UQCRH: variants seen among roughly 807,000 people sequenced by gnomAD.
UQCRH encodes cytochrome b-c1 complex subunit 6, mitochondrial.
A neutral mutation model predicts 16.3 loss-of-function variants in UQCRH; 14 were observed. The ratio of observed to expected loss-of-function variants is 0.86; its 90% CI spans 0.57 to 1.34. The LOEUF (loss-of-function observed/expected upper bound fraction) is 1.34, where lower values mean the gene tolerates loss of function less well. Ranked by LOEUF, UQCRH falls within the 40% of genes most tolerant of loss-of-function variation. UQCRH has a pLI of 0.00. For synonymous variants in UQCRH, 41 were observed against 41.9 expected, an observed-to-expected ratio of 0.98 and a Z score of 0.08; for missense variants, 89 against 111.9, an observed-to-expected ratio of 0.80 and a Z score of 0.92.
chr1:46,309,335 G>A, intron 2 of UQCRH: 1 of 544,660 alleles, frequency 1.8e-6, no homozygotes, highest in East Asian at 3.3e-5. Context: ...TTCAGTTGTG[G>A]TACCAGGGAG....
At chr1:46,306,155 G>A (rs1661369501) in intron 1 of UQCRH, among the ~76,000 whole-genome samples, 1 of 152,006 alleles carries the variant, frequency 6.6e-6, no homozygotes, top group Non-Finnish European at 1.5e-5. Flanking sequence ...TTTTCTCAGT[G>A]ACTGGAAATT....
chr1:46,313,490 G>A (rs570893219), intron 3 of UQCRH, among the ~76,000 whole-genome samples: 4 of 152,242 alleles, frequency 2.6e-5, no homozygotes, highest in East Asian at 3.9e-4. Context: ...TTAGCCGGGC[G>A]TGGTGGCGGG....
chr1:46,314,902 T>C (rs923401608), intron 3 of UQCRH, among the ~76,000 whole-genome samples: 5 of 152,178 alleles, frequency 3.3e-5, no homozygotes, highest in African/African-American at 7.2e-5. Context: ...AGTTTTGATT[T>C]AGTAAGATGA....
At chr1:46,311,218 A>G (rs962993257) in intron 3 of UQCRH, among the ~76,000 whole-genome samples, 8 of 151,898 alleles carry the variant, frequency 5.3e-5, no homozygotes, top group Non-Finnish European at 1.0e-4. Context: ...ACCACTAAAC[A>G]GTGGGGAAGC....
intron 1 of UQCRH, among the ~76,000 whole-genome samples, chr1:46,305,880 C>A (rs1379165084): frequency 2.0e-5 from 3 of 151,694 alleles, no homozygotes; most frequent in Non-Finnish European, 4.4e-5. Flanking sequence ...ATCCGGCTCA[C>A]TGCAACCTCC....
intron 1 of UQCRH, among the ~76,000 whole-genome samples, chr1:46,308,277 C>T (rs1163094458): frequency 6.6e-6 from 1 of 152,040 alleles, no homozygotes; most frequent in Non-Finnish European, 1.5e-5. Flanking sequence ...GGATATGCCA[C>T]ACAAAAAAAT....
At chr1:46,314,957 A>C (rs1348582952) in intron 3 of UQCRH, among the ~76,000 whole-genome samples, 2 of 152,220 alleles carry the variant, frequency 1.3e-5, no homozygotes, top group Admixed American at 1.3e-4. Context: ...AGGGGACTGT[A>C]TGGTTGTAGA....
intron 3 of UQCRH, among the ~76,000 whole-genome samples, chr1:46,315,822 C>A (rs777352506): frequency 6.6e-6 from 1 of 152,162 alleles, no homozygotes; most frequent in Non-Finnish European, 1.5e-5. Flanking sequence ...AAGTCATGAT[C>A]TGTTCCCTGA....
At chr1:46,315,281 C>T (rs572184596) in intron 3 of UQCRH, among the ~76,000 whole-genome samples, 1 of 152,274 alleles carries the variant, frequency 6.6e-6, no homozygotes, top group African/African-American at 2.4e-5. Context: ...ACCGTCTCTA[C>T]TAAAAATACA....
intron 3 of UQCRH, among the ~76,000 whole-genome samples, chr1:46,311,304 G>C (rs1445516759): frequency 7.1e-6 from 1 of 141,786 alleles, no homozygotes; most frequent in Admixed American, 7.3e-5. Flanking sequence ...GCTCACGCCT[G>C]TAATCCCAGC....
Position 46,310,240 on chromosome 1 carries a change from G to T in UQCRH, c.167G>T (p.Arg56Leu). The change falls in exon 3 of 4, where the codon CGT (arginine) becomes CTT (leucine). Residue 56 changes from arginine to leucine, a missense_variant. Transcript: ENST00000311672. ...ARERLELCDE[R>L]VSSRSHTEED... ...GAGCGGCTAGAGCTCTGTGATGAGC[G>T]TGTATCCTCTCGATCACATACAGAA... 1.2e-5 allele frequency: 20 copies of T among 1,613,748 alleles called. No homozygotes were observed. The highest frequency in any genetic ancestry group is 1.7e-5 in the Non-Finnish European group (20 of 1,179,668).
intron 1 of UQCRH, among the ~76,000 whole-genome samples, chr1:46,306,781 A>G (rs998855509): frequency 2.6e-5 from 4 of 152,210 alleles, no homozygotes. Context: ...GCCAATTGTG[A>G]GAATAAATAG....
At chr1:46,310,347 G>C in intron 3 of UQCRH, 31 bp downstream of exon 3, 1 of 1,613,786 alleles carries the variant, frequency 6.2e-7, no homozygotes, top group Non-Finnish European at 8.5e-7. Flanking sequence ...GAAGGGGAAA[G>C]GTTGCAATGG....
At chr1:46,310,051 C>G in intron 2 of UQCRH, 104 bp from the exon 3 acceptor site, 15 of 1,561,628 alleles carry the variant, frequency 9.6e-6, no homozygotes, top group Non-Finnish European at 1.3e-5. Context: ...CACGGTAATT[C>G]AGAGGCAGCA....
chr1:46,305,857 G>C (rs1234863985), intron 1 of UQCRH, among the ~76,000 whole-genome samples: 7 of 151,344 alleles, frequency 4.6e-5, no homozygotes, highest in Non-Finnish European at 1.0e-4. Flanking sequence ...CCAGGCTGGA[G>C]TGCAGTGGCG....
intron 3 of UQCRH, among the ~76,000 whole-genome samples, chr1:46,312,988 T>A (rs1045192342): frequency 1.3e-5 from 2 of 152,090 alleles, no homozygotes; most frequent in African/African-American, 4.8e-5. Context: ...CCTCATACGC[T>A]GTCAGTAAAA....
intron 3 of UQCRH, among the ~76,000 whole-genome samples, chr1:46,313,171 TA>T (rs1230323660): frequency 6.6e-6 from 1 of 152,192 alleles, no homozygotes; most frequent in African/African-American, 2.4e-5. Flanking sequence ...TTATTTATAC[TA>T]CCCAAAAAGT....
At position 46,316,716 on chromosome 1, in the gene UQCRH, C is replaced by T; in HGVS notation, c.*132C>T. ...ATGAACCTCATGGGTTTGGCTTAGG[C>T]TGGTAGCTTCTATGTAATTCGCAAT... On this transcript the variant is annotated 3_prime_UTR_variant, in exon 4 of 4. Coordinates refer to ENST00000311672, the MANE Select transcript of UQCRH (RefSeq NM_006004.4). 1 of 1,320,956 alleles carries T rather than the reference C, an allele frequency of 7.6e-7. No homozygotes were observed. 81.8% of individuals were successfully genotyped at this position (1,320,956 alleles called of 1,614,324 possible).
chr1:46,309,376 T>C, intron 2 of UQCRH: 1 of 474,300 alleles, frequency 2.1e-6, no homozygotes, highest in Non-Finnish European at 3.7e-6. Flanking sequence ...TGGCACTCAA[T>C]CATCTGCTAT....
Sources: allele counts gnomAD v4.1 joint callset (sites outside exome capture counted in the v4.1 genomes callset), GRCh38; gene constraint gnomAD v4.1.1; transcripts MANE v1.5; gene names NCBI Gene and HGNC (gene_info 2026-07-23, HGNC 2026-07-21).